Variants in KCTD16 observed in about 807,000 individuals in gnomAD.
KCTD16 encodes potassium channel tetramerization domain containing 16.
In KCTD16, 13 loss-of-function variants were observed where a neutral mutation model predicts 33.2. That is an observed-to-expected ratio of 0.39 (90% confidence interval 0.25 to 0.62). The LOEUF is 0.62. KCTD16 is among the 20% of genes least tolerant of loss of function. The pLI is 0.50. For synonymous variants in KCTD16, 197 were observed against 195.3 expected, an observed-to-expected ratio of 1.01 and a Z score of -0.07; for missense variants, 441 against 525.1, an observed-to-expected ratio of 0.84 and a Z score of 1.57.
chr5:144,261,046 A>G (rs975298550), intron 3 of KCTD16, among the ~76,000 whole-genome samples: 9 of 151,872 alleles, frequency 5.9e-5, no homozygotes, highest in East Asian at 1.9e-4. Context: ...AACGACCCCA[A>G]TTGGGTCCCA....
At chr5:144,354,560 AAACACACATGG>A (rs2126910585) in intron 3 of KCTD16, among the ~76,000 whole-genome samples, 1 of 152,332 alleles carries the variant, frequency 6.6e-6, no homozygotes, top group African/African-American at 2.4e-5. Context: ...TGCCATAAAG[AAACACACATGG>A]AAACAATAAT....
At chr5:144,388,510 AT>A (rs1314930628) in intron 3 of KCTD16, among the ~76,000 whole-genome samples, 3 of 152,082 alleles carry the variant, frequency 2.0e-5, no homozygotes, top group Non-Finnish European at 2.9e-5. Flanking sequence ...TTTATCTTCA[AT>A]TTAAGCTTAT....
At chr5:144,362,278 A>G (rs544428870) in intron 3 of KCTD16, among the ~76,000 whole-genome samples, 2 of 152,326 alleles carry the variant, frequency 1.3e-5, no homozygotes, top group East Asian at 3.9e-4. Context: ...AATCCCTAGC[A>G]TAGCTGGAGG....
chr5:144,294,488 CTT>C (rs1755982530), intron 3 of KCTD16, among the ~76,000 whole-genome samples: 1 of 143,424 alleles, frequency 7.0e-6, no homozygotes, highest in Non-Finnish European at 1.6e-5. Context: ...TGTATATAAA[CTT>C]ATTTTTTTTT....
intron 3 of KCTD16, among the ~76,000 whole-genome samples, chr5:144,299,139 TATATATA>T (rs1561558769): frequency 4.7e-4 from 15 of 31,992 alleles, no homozygotes; most frequent in Non-Finnish European, 5.3e-4. Context: ...TATATATATA[TATATATA>T]TATTTTTTTT....
intron 3 of KCTD16, among the ~76,000 whole-genome samples, chr5:144,381,428 G>C (rs1222172070): frequency 1.3e-5 from 2 of 152,188 alleles, no homozygotes; most frequent in Admixed American, 1.3e-4. Flanking sequence ...CCTGAGACTG[G>C]GCAATATTTA....
rs1561529268 is a variant in KCTD16 at position 144,207,479 on chromosome 5, A to G, written c.765A>G (p.Thr255=). ...FHMVACNSSV[T]ASFINQYTDD... ...TGGTGGCCTGTAACTCATCGGTGAC[A>G]GCATCTTTCATCAACCAATATACAG... The change falls in exon 3 of 4, where the codon ACA becomes ACG. Residue 255 remains threonine, a synonymous_variant. Transcript: ENST00000512467. 2 of 1,614,226 alleles carry G rather than the reference A, an allele frequency of 1.2e-6. No individual in the cohort carries two copies. The highest frequency in any genetic ancestry group is 1.7e-6 in the Non-Finnish European group (2 of 1,180,040).
chr5:144,235,984 T>C (rs1754240952), intron 3 of KCTD16, among the ~76,000 whole-genome samples: 1 of 152,090 alleles, frequency 6.6e-6, no homozygotes, highest in Non-Finnish European at 1.5e-5. Flanking sequence ...TAAGGGTCAT[T>C]GTCAGTGTAT....
In KCTD16 at chr5:144,251,083, T is replaced by A. The variant is rs1754687821; in HGVS notation, c.832+43537T>A. Reference sequence around the variant, plus strand: ...TCAGGATGTATGGGGAAGTGGCCAGTCTCAGTTTGGCCAGAGTTTGGGATC... The same window carrying A: ...TCAGGATGTATGGGGAAGTGGCCAGACTCAGTTTGGCCAGAGTTTGGGATC... On this transcript the variant is annotated intron_variant, in intron 3 of 3. Transcript: ENST00000512467. 2.0e-5 allele frequency among the ~76,000 whole-genome samples: 3 copies of A among 152,214 alleles called. No homozygotes were observed. In the South Asian group the frequency reaches 6.2e-4, roughly 32 times the overall value.
At chr5:144,342,361 A>G (rs1443747527) in intron 3 of KCTD16, among the ~76,000 whole-genome samples, 2 of 152,122 alleles carry the variant, frequency 1.3e-5, no homozygotes, top group Admixed American at 6.5e-5. Context: ...TTCATTCATG[A>G]TTTGGCTCTC....
At chr5:144,276,010 G>A (rs1755428310) in intron 3 of KCTD16, among the ~76,000 whole-genome samples, 1 of 152,174 alleles carries the variant, frequency 6.6e-6, no homozygotes, top group Non-Finnish European at 1.5e-5. Flanking sequence ...ATTTTCTGAT[G>A]AAATAAACAG....
intron 3 of KCTD16, among the ~76,000 whole-genome samples, chr5:144,316,768 C>A (rs192887837): frequency 3.7e-4 from 56 of 151,532 alleles, no homozygotes; most frequent in African/African-American, 1.3e-3. Flanking sequence ...CCATCTAGGC[C>A]TCCCAAAATG....
At chr5:144,434,982 TGAG>T (rs1274691630) in intron 3 of KCTD16, among the ~76,000 whole-genome samples, 1 of 152,080 alleles carries the variant, frequency 6.6e-6, no homozygotes, top group Non-Finnish European at 1.5e-5. Flanking sequence ...GGAAGGCGCA[TGAG>T]GAAGGGAGCT....
rs1754730249 is a variant in KCTD16 at position 144,482,769 on chromosome 5, G to A, written c.*8655G>A. On this transcript the variant is annotated 3_prime_UTR_variant, in exon 4 of 4. Transcript: ENST00000512467. The stretch of plus-strand genomic sequence containing the variant: ...AAATTATGTATATATATGTACATAT[G>A]TGTGTACATCTATCTTAATGTGTAT... 1 of 151,724 alleles carries A rather than the reference G, an allele frequency of 6.6e-6. No individual in the cohort carries two copies. The highest frequency in any genetic ancestry group is 1.5e-5 in the Non-Finnish European group (1 of 67,866). The allele number at this position is 151,724 out of a possible 1,614,324, so 9.4% of individuals were successfully genotyped here. A position where few individuals can be genotyped will look rare whatever the true frequency, so the allele number is the denominator to read the frequency against.
chr5:144,320,813 C>G (rs548922892), intron 3 of KCTD16, among the ~76,000 whole-genome samples: 3 of 151,234 alleles, frequency 2.0e-5, no homozygotes, highest in East Asian at 1.9e-4. Context: ...TGGTTCAGAC[C>G]ATAAGTAGAT....
rs1176624601 is a variant in KCTD16 at position 144,296,812 on chromosome 5, C to T, written c.832+89266C>T. Among the ~76,000 whole-genome samples the T allele has an allele frequency of 3.3e-5, 5 of 152,194 alleles. No individual in the cohort carries two copies. The East Asian group carries it at 9.6e-4, about 29-fold the overall frequency. Reference sequence around the variant, plus strand: ...CATTTTTCAATTACTAACTTTCCTTCTCACTTTCTCTTCCCCACCTTTTGT... The same window carrying T: ...CATTTTTCAATTACTAACTTTCCTTTTCACTTTCTCTTCCCCACCTTTTGT... On this transcript the variant is annotated intron_variant, in intron 3 of 3. Coordinates refer to ENST00000512467, the MANE Select transcript of KCTD16 (RefSeq NM_020768.4).
At chr5:144,186,981 G>T (rs1004496867) in intron 2 of KCTD16, among the ~76,000 whole-genome samples, 3 of 152,148 alleles carry the variant, frequency 2.0e-5, no homozygotes, top group African/African-American at 7.2e-5. Context: ...CCCTCTCAGC[G>T]CTTACAGTGT....
intron 3 of KCTD16, among the ~76,000 whole-genome samples, chr5:144,346,894 C>T (rs889418894): frequency 6.6e-6 from 1 of 152,082 alleles, no homozygotes; most frequent in African/African-American, 2.4e-5. Context: ...GCTTTGGTTT[C>T]CTATGCTTGT....
At chr5:144,256,668 C>T (rs905911084) in intron 3 of KCTD16, among the ~76,000 whole-genome samples, 2 of 150,464 alleles carry the variant, frequency 1.3e-5, no homozygotes, top group Non-Finnish European at 3.0e-5. Context: ...GGGGCTAGCC[C>T]GAGAGGGGTG....
Sources: gnomAD v4.1 joint callset for allele counts (sites outside exome capture counted in the v4.1 genomes callset) on GRCh38, gnomAD v4.1.1 for gene constraint, MANE v1.5 for transcripts, NCBI Gene and HGNC (gene_info 2026-07-23, HGNC 2026-07-21) for gene names.